Variants in UBA6 observed in about 807,000 individuals in gnomAD.
The protein encoded by UBA6 is ubiquitin-like modifier-activating enzyme 6.
Under a neutral mutation model 148.3 loss-of-function variants are expected in UBA6, and 87 were observed. That is an observed-to-expected ratio of 0.59 (90% confidence interval 0.49 to 0.70). The LOEUF is 0.70. UBA6 is among the 30% of genes least tolerant of loss of function. The pLI, the probability that UBA6 is intolerant of heterozygous loss-of-function variation, is 0.00. For missense variants in UBA6, 1,186 were observed against 1,241.2 expected (o/e 0.96, Z 0.67); for synonymous variants, 376 against 401.0 (o/e 0.94, Z 0.75).
chr4:67,618,789 G>C lies in UBA6; in HGVS notation c.*208C>G, dbSNP rs1219942005. 2 of 438,266 alleles carry C rather than the reference G, an allele frequency of 4.6e-6. No homozygotes were observed. The highest frequency in any genetic ancestry group is 7.9e-6 in the Non-Finnish European group (2 of 251,594). 27.1% of individuals were successfully genotyped at this position (438,266 alleles called of 1,614,324 possible). ...CAGTTCAAAGTTGCTTGTGATCATA[G>C]CCACGTGTGAACCGTTAGACAAGTG... On this transcript the variant is annotated 3_prime_UTR_variant, in exon 33 of 33. Transcript: ENST00000322244.
chr4:67,682,882 A>G (rs958624726), intron 2 of UBA6, among the ~76,000 whole-genome samples: 1 of 152,218 alleles, frequency 6.6e-6, no homozygotes, highest in African/African-American at 2.4e-5. Flanking sequence ...TTCGATATAA[A>G]TAAATAATTT....
At chr4:67,670,725 C>A in intron 7 of UBA6, 133 bp from the exon 8 acceptor site, 1 of 691,476 alleles carries the variant, frequency 1.4e-6, no homozygotes. Flanking sequence ...CAAAGTAAAT[C>A]ATAAACAGGA....
intron 2 of UBA6, among the ~76,000 whole-genome samples, chr4:67,684,640 C>T (rs775026173): frequency 1.5e-5 from 2 of 130,580 alleles, no homozygotes; most frequent in African/African-American, 2.8e-5. Context: ...GTTAAAGACA[C>T]AAGATATGCA....
chr4:67,628,156 TTAAG>T lies in UBA6; in HGVS notation c.2400+911_2400+914del, dbSNP rs199947051. Among the ~76,000 whole-genome samples the T allele has an allele frequency of 8.1e-3, 1,229 of 152,028 alleles. 20 individuals carry two copies. The highest frequency in any genetic ancestry group is 0.028 in the African/African-American group (1,166 of 41,536). The stretch of plus-strand genomic sequence containing the variant: ...TCTTGCGTTTTACTACATCTTTTAA[TTAAG>T]TGACTCTTCCACTTCACTGGACAAT... On this transcript the variant is annotated intron_variant, in intron 27 of 32. Transcript: ENST00000322244.
intron 1 of UBA6, among the ~76,000 whole-genome samples, chr4:67,700,441 C>T (rs1730950297): frequency 6.6e-6 from 1 of 152,120 alleles, no homozygotes; most frequent in Admixed American, 6.5e-5. Flanking sequence ...ATATTTTCCC[C>T]CTAATTTTAC....
chr4:67,670,346 A>C, intron 8 of UBA6, 124 bp downstream of exon 8: 1 of 756,038 alleles, frequency 1.3e-6, no homozygotes, highest in Non-Finnish European at 2.1e-6. Context: ...TTCCCTCATT[A>C]TCTTAAAACA....
chr4:67,639,660 A>G (rs1251967643), intron 18 of UBA6, among the ~76,000 whole-genome samples: 1 of 152,020 alleles, frequency 6.6e-6, no homozygotes, highest in Non-Finnish European at 1.5e-5. Context: ...GCCTTCCACA[A>G]CCCCCCAAAA....
chr4:67,689,165 G>A (rs1560502507), intron 2 of UBA6, among the ~76,000 whole-genome samples: 3 of 152,214 alleles, frequency 2.0e-5, no homozygotes, highest in Non-Finnish European at 2.9e-5. Flanking sequence ...TGTGTTAGAT[G>A]ATTTTGCCTA....
At chr4:67,628,400 G>A (rs190435718) in intron 27 of UBA6, among the ~76,000 whole-genome samples, 16 of 151,716 alleles carry the variant, frequency 1.1e-4, no homozygotes, top group Admixed American at 9.8e-4. Context: ...GCCTTTCTCT[G>A]CACTTATTTC....
intron 15 of UBA6, 111 bp downstream of exon 15, chr4:67,646,610 AAAC>A (rs1729426513): frequency 2.8e-6 from 2 of 724,938 alleles, no homozygotes; most frequent in Non-Finnish European, 4.6e-6. Flanking sequence ...AGTAGAGAAA[AAAC>A]AACTACAAAA....
Position 67,624,116 on chromosome 4 carries a change from TC to T in UBA6, c.2840+9del. ...CTCATTATACAAGAGAAATAGACTT[TC>T]ATACATACCTGATTTTAGTTTTCCT... On this transcript the variant is annotated intron_variant, in intron 30 of 32. Coordinates refer to ENST00000322244, the MANE Select transcript of UBA6 (RefSeq NM_018227.6). 1 of 1,569,034 alleles carries T rather than the reference TC, an allele frequency of 6.4e-7. No homozygotes were observed. The highest frequency in any genetic ancestry group is 1.4e-5 in the African/African-American group (1 of 72,860).
At chr4:67,656,609 G>A (rs1729703324) in intron 13 of UBA6, among the ~76,000 whole-genome samples, 1 of 152,170 alleles carries the variant, frequency 6.6e-6, no homozygotes, top group Non-Finnish European at 1.5e-5. Context: ...CATTCCCTTG[G>A]AAAACTGGTA....
chr4:67,673,499 T>C (rs1730200676), intron 7 of UBA6, among the ~76,000 whole-genome samples, 198 bp downstream of exon 7: 1 of 152,100 alleles, frequency 6.6e-6, no homozygotes, highest in African/African-American at 2.4e-5. Context: ...TCTTCCTTAG[T>C]TTTGGCAATC....
chr4:67,697,605 C>T (rs531148845), intron 1 of UBA6, among the ~76,000 whole-genome samples: 23 of 152,310 alleles, frequency 1.5e-4, no homozygotes, highest in African/African-American at 5.5e-4. Context: ...TTTCCGCTAC[C>T]ATCATTTACT....
intron 2 of UBA6, 77 bp from the exon 3 acceptor site, chr4:67,682,290 A>G (rs1560499802): frequency 4.4e-6 from 5 of 1,127,044 alleles, no homozygotes; most frequent in Non-Finnish European, 6.6e-6. Flanking sequence ...TTTGCAAACT[A>G]AAAGCCTAGG....
intron 2 of UBA6, among the ~76,000 whole-genome samples, chr4:67,693,953 G>A (rs1019630571): frequency 2.6e-4 from 39 of 151,836 alleles, no homozygotes; most frequent in African/African-American, 9.0e-4. Context: ...GGTGGCTCGC[G>A]CCTGTAATCC....
rs113675925 is a variant in UBA6, at chr4:67,696,544, T to C, written c.134+101A>G. ...ACACACACACACACACACACACACA[T>C]ATAATTCTGCATAGGCTGAATGGTA... On this transcript the variant is annotated intron_variant, in intron 2 of 32. Coordinates refer to ENST00000322244, the MANE Select transcript of UBA6 (RefSeq NM_018227.6). 1.4e-3 allele frequency: 1,151 copies of C among 834,348 alleles called. 4 individuals are homozygous for C. The East Asian group carries it at 0.025, about 18-fold the overall frequency. The allele number at this position is 834,348 out of a possible 1,614,324, so 51.7% of individuals were successfully genotyped here.
At chr4:67,638,193 A>G (rs1729214264) in intron 19 of UBA6, 1 of 152,506 alleles carries the variant, frequency 6.6e-6, no homozygotes, top group Admixed American at 6.5e-5. Flanking sequence ...GCGGGTAACC[A>G]GCATGAGCTT....
intron 2 of UBA6, among the ~76,000 whole-genome samples, chr4:67,691,484 A>G (rs1730692603): frequency 6.6e-6 from 1 of 152,210 alleles, no homozygotes. Flanking sequence ...GTTAAAGCAC[A>G]TGTGACTCTA....
Sources: allele counts gnomAD v4.1 joint callset (sites outside exome capture counted in the v4.1 genomes callset), GRCh38; gene constraint gnomAD v4.1.1; transcripts MANE v1.5; gene names NCBI Gene and HGNC (gene_info 2026-07-23, HGNC 2026-07-21).